The following ANKRD35 variants were observed in gnomAD, a reference collection of about 807,000 sequenced individuals.
ANKRD35 encodes ankyrin repeat domain 35.
A neutral mutation model predicts 109.9 loss-of-function variants in ANKRD35; 102 were observed. That is an observed-to-expected ratio of 0.93 (90% CI 0.79 to 1.09). The LOEUF (loss-of-function observed/expected upper bound fraction) is 1.09. Among genes scored for constraint, ANKRD35 ranks in the 50% least tolerant of loss-of-function variants. The pLI is 0.00. For missense variants in ANKRD35, 1,240 were observed against 1,230.1 expected, an observed-to-expected ratio of 1.01 and a Z score of -0.12; for synonymous variants, 515 against 512.4, an observed-to-expected ratio of 1.01 and a Z score of -0.07.
intron 10 of ANKRD35, 136 bp downstream of exon 10, chr1:145,871,846 T>C: frequency 8.7e-7 from 1 of 1,144,598 alleles, no homozygotes; most frequent in Non-Finnish European, 1.2e-6. Flanking sequence ...GTGTGGTCCC[T>C]GCAAAGGACT....
At chr1:145,868,178 G>T (rs782555713) in intron 11 of ANKRD35, 122 bp from the exon 12 acceptor site, 1 of 1,453,224 alleles carries the variant, frequency 6.9e-7, no homozygotes, top group Non-Finnish European at 9.6e-7. Flanking sequence ...GGCCCATCCT[G>T]GACCACTGCC....
rs186993569 is a variant in ANKRD35, at chr1:145,876,736, G to C, written c.382+80C>G. 662 of 1,609,092 alleles carry C rather than the reference G, an allele frequency of 4.1e-4. 6 individuals are homozygous for C. The African/African-American group carries it at 8.1e-3, about 20-fold the overall frequency. On this transcript the variant is annotated intron_variant, in intron 5 of 13. Coordinates refer to ENST00000355594, the MANE Select transcript of ANKRD35 (RefSeq NM_144698.5). ...CCGACCATTTCATTGGTTGGCCCTGGCTGCCCTTCCCTCCTCACGCCTCCC... is the reference window on the plus strand; with the variant it reads ...CCGACCATTTCATTGGTTGGCCCTGCCTGCCCTTCCCTCCTCACGCCTCCC...
intron 1 of ANKRD35, among the ~76,000 whole-genome samples, chr1:145,883,417 G>A (rs587704724): frequency 6.6e-6 from 1 of 152,238 alleles, no homozygotes; most frequent in South Asian, 2.1e-4. Flanking sequence ...GCTCTCTTCT[G>A]GTCTACTTCT....
At position 145,878,483 on chromosome 1, in the gene ANKRD35, C is replaced by T. The variant is rs1553740555; in HGVS notation, c.171-4G>A. The T allele has an allele frequency of 1.3e-6, 2 of 1,564,012 alleles. No individual in the cohort carries two copies. Among genetic ancestry groups the T allele is most frequent in the Non-Finnish European group, 8.7e-7 (1 of 1,153,290 alleles). ...TTTGGAGGCTGCCAGATGAAACCTG[C>T]CAGAATCAAGGCCGAGAGGCCAAAG... On this transcript the variant is annotated splice_polypyrimidine_tract_variant and splice_region_variant and intron_variant, in intron 2 of 13. Transcript: ENST00000355594.
Position 145,872,776 on chromosome 1 carries a change from G to A in ANKRD35, c.1993C>T (p.Gln665Ter), listed in dbSNP as rs1653888528. 8 of 1,614,122 alleles carry A rather than the reference G, an allele frequency of 5.0e-6. No homozygotes were observed. Among genetic ancestry groups the A allele is most frequent in the Middle Eastern group, 1.6e-4 (1 of 6,062 alleles). ...ACACTCTGTCGCAACTGCTGTAGCT[G>A]GACCTGCGCCTGTGGCTTGGGCACA... The part of the protein sequence containing the change: ...EFVPKPQAQV[Q>*]LQQLRQSVGL... Residue 665 changes from glutamine (Q) to a stop codon, truncating the protein, a stop_gained, in exon 10 of 14, where the codon CAG becomes TAG. Coordinates refer to ENST00000355594, the MANE Select transcript of ANKRD35 (RefSeq NM_144698.5). LOFTEE classifies it high-confidence loss of function.
chr1:145,872,061 T>C lies in ANKRD35; in HGVS notation c.2708A>G (p.Glu903Gly). 4 of 1,613,680 alleles carry C rather than the reference T, an allele frequency of 2.5e-6. No homozygotes were observed. The highest frequency in any genetic ancestry group is 2.5e-6 in the Non-Finnish European group (3 of 1,179,916). ...CAGCTCTGCCGTTTTCTCAAACTGC[T>C]CGGAGCGCCCCCGCATCTCGCTGGC... ...RQASEMRGRS[E>G]QFEKTAELLK... is the part of the protein sequence containing the mutation. Residue 903 changes from glutamate (E) to glycine (G), a missense_variant, in exon 10 of 14, where the codon GAG becomes GGG. By Grantham distance (98) the Glu-to-Gly change is moderately conservative. Transcript: ENST00000355594.
In ANKRD35 at chr1:145,873,884, C is replaced by A; in HGVS notation, c.885G>T (p.Ser295=). Residue 295 remains serine, a synonymous_variant, in exon 10 of 14, where the codon TCG becomes TCT. Transcript: ENST00000355594. Reference sequence around the variant, plus strand: ...CTTCATACTTCCACCTCCACTCCTCCGAGCACGGGTCTTCATCCTCCTTCT... The same window carrying A: ...CTTCATACTTCCACCTCCACTCCTCAGAGCACGGGTCTTCATCCTCCTTCT... ...QEEKEDEDPC[S]EEWRWKYEEE... 1 of 1,614,138 alleles carries A rather than the reference C, an allele frequency of 6.2e-7. No homozygotes were observed. Among genetic ancestry groups the A allele is most frequent in the African/African-American group, 1.3e-5 (1 of 75,066 alleles).
chr1:145,879,276 T>G lies in ANKRD35; in HGVS notation c.152A>C (p.Asp51Ala). ...SRKSARPTKL[D>A]SNGQSPFHLA... is the part of the protein sequence containing the mutation. ...GACTTACGGGGACTGGCCATTCGAG[T>G]CAAGCTTGGTGGGTCGGGCAGATTT... Residue 51 changes from aspartate (D) to alanine (A), a missense_variant, in exon 2 of 14, where the codon GAC (aspartate) becomes GCC (alanine). Coordinates refer to ENST00000355594, the MANE Select transcript of ANKRD35 (RefSeq NM_144698.5). 1 of 1,608,172 alleles carries G rather than the reference T, an allele frequency of 6.2e-7. No individual in the cohort carries two copies. The highest frequency in any genetic ancestry group is 8.5e-7 in the Non-Finnish European group (1 of 1,177,490).
At chr1:145,883,670 T>C (rs1355081054) in intron 1 of ANKRD35, among the ~76,000 whole-genome samples, 1 of 152,220 alleles carries the variant, frequency 6.6e-6, no homozygotes, top group Non-Finnish European at 1.5e-5. Context: ...AGTCTTCCAG[T>C]GTGACTGGGA....
At chr1:145,870,286 G>C (rs1480009754) in intron 10 of ANKRD35, among the ~76,000 whole-genome samples, 2 of 151,826 alleles carry the variant, frequency 1.3e-5, no homozygotes, top group African/African-American at 4.8e-5. Flanking sequence ...TGGAGACGGG[G>C]TTTCACCGTG....
intron 6 of ANKRD35, 128 bp from the exon 7 acceptor site, chr1:145,876,374 C>G: frequency 8.8e-7 from 1 of 1,133,490 alleles, no homozygotes; most frequent in South Asian, 1.5e-5. Flanking sequence ...CTGAACACTC[C>G]CTTTTGGAGG....
At chr1:145,871,951 A>C (rs587695815) in intron 10 of ANKRD35, 31 bp downstream of exon 10, 19 of 1,602,992 alleles carry the variant, frequency 1.2e-5, no homozygotes, top group Non-Finnish European at 1.5e-5. Flanking sequence ...AACTTTCCCC[A>C]GTGCTCCCCA....
At chr1:145,871,943 C>G in intron 10 of ANKRD35, 39 bp downstream of exon 10, 1 of 1,600,050 alleles carries the variant, frequency 6.2e-7, no homozygotes. Flanking sequence ...TACACAGAAA[C>G]TTTCCCCAGT....
In ANKRD35 at chr1:145,878,388, C is replaced by T. The variant is rs782729210; in HGVS notation, c.259+3G>A. On this transcript the variant is annotated splice_donor_region_variant and intron_variant, in intron 3 of 13. Coordinates refer to ENST00000355594, the MANE Select transcript of ANKRD35 (RefSeq NM_144698.5). ...GCGTGGCCCAGTGCTCCGGCTCACTCACCATCCTCATTCTTGCTGTTGATG... is the reference window on the plus strand; with the variant it reads ...GCGTGGCCCAGTGCTCCGGCTCACTTACCATCCTCATTCTTGCTGTTGATG... The T allele has an allele frequency of 6.4e-7, 1 of 1,563,318 alleles. No homozygotes were observed. Among genetic ancestry groups the T allele is most frequent in the Non-Finnish European group, 8.7e-7 (1 of 1,153,062 alleles).
chr1:145,876,516 C>T (rs11801520), intron 6 of ANKRD35, 53 bp downstream of exon 6: 2 of 1,608,376 alleles, frequency 1.2e-6, no homozygotes, highest in Non-Finnish European at 1.7e-6. Context: ...AGCTGAGAGA[C>T]AGCAGCAGCC....
chr1:145,872,422 C>T lies in ANKRD35; in HGVS notation c.2347G>A (p.Glu783Lys), dbSNP rs1553738920. ...APASPQVAAL[E>K]QDLGKLEEEL... ...TCCTCCAGCTTCCCCAGGTCTTGCT[C>T]CAGAGCGGCCACTTGGGGGGATGCT... is the stretch of plus-strand genomic sequence containing the variant. Residue 783 changes from glutamate to lysine, a missense_variant, in exon 10 of 14, where the codon GAG (glutamate) becomes AAG (lysine). By Grantham distance (56) the Glu-to-Lys change is moderately conservative. Transcript: ENST00000355594. 4 of 1,612,754 alleles carry T rather than the reference C, an allele frequency of 2.5e-6. No homozygotes were observed. Among genetic ancestry groups the T allele is most frequent in the Non-Finnish European group, 3.4e-6 (4 of 1,179,748 alleles).
intron 7 of ANKRD35, 131 bp downstream of exon 7, chr1:145,876,009 C>T: frequency 1.3e-6 from 1 of 740,762 alleles, no homozygotes; most frequent in African/African-American, 1.8e-5. Context: ...GAATGAGGTT[C>T]CCAAGAACAC....
At chr1:145,877,332 AAGCGATTCTCCTGCCTCAGCCTCCCG>A (rs1553740319) in intron 4 of ANKRD35, among the ~76,000 whole-genome samples, 1 of 151,024 alleles carries the variant, frequency 6.6e-6, no homozygotes, top group East Asian at 1.9e-4. Flanking sequence ...TCCTGGGTTG[AAGCGATTCTCCTGCCTCAGCCTCCCG>A]AGTAACTGGG....
At chr1:145,877,421 A>G (rs1201957988) in intron 4 of ANKRD35, among the ~76,000 whole-genome samples, 1 of 151,912 alleles carries the variant, frequency 6.6e-6, no homozygotes, top group African/African-American at 2.4e-5. Context: ...TTTATTAGAG[A>G]TGGGGTTTCA....
Sources: allele counts gnomAD v4.1 joint callset (sites outside exome capture counted in the v4.1 genomes callset), GRCh38; gene constraint gnomAD v4.1.1; transcripts MANE v1.5; gene names NCBI Gene and HGNC (gene_info 2026-07-23, HGNC 2026-07-21).